The following DLG2 variants were observed in gnomAD, a reference collection of about 807,000 sequenced individuals.
DLG2 encodes disks large homolog 2.
In DLG2, 45 loss-of-function variants were observed where a neutral mutation model predicts 132.5. The observed-to-expected ratio is 0.34, with a 90% CI of 0.27 to 0.44. DLG2 has a LOEUF of 0.44. Among genes scored for constraint, DLG2 ranks in the 20% least tolerant of loss-of-function variants. The pLI, the probability that DLG2 is intolerant of heterozygous loss-of-function variation, is 1.00. For synonymous variants in DLG2, 424 were observed against 419.6 expected (o/e 1.01, Z -0.13); for missense variants, 1,045 against 1,196.9 (o/e 0.87, Z 1.87).
intron 18 of DLG2, among the ~76,000 whole-genome samples, chr11:83,750,340 T>G (rs2093221173): frequency 6.6e-6 from 1 of 152,172 alleles, no homozygotes; most frequent in Non-Finnish European, 1.5e-5. Flanking sequence ...AATGTTTTCT[T>G]AACATTCTGA....
intron 25 of DLG2, among the ~76,000 whole-genome samples, chr11:83,468,849 A>G (rs1294423297): frequency 5.3e-5 from 8 of 152,080 alleles, no homozygotes; most frequent in Non-Finnish European, 1.0e-4. Flanking sequence ...GAGAGAGAGA[A>G]AAAAAATAAC....
At chr11:84,902,028 T>C (rs879688912) in intron 6 of DLG2, among the ~76,000 whole-genome samples, 1 of 152,132 alleles carries the variant, frequency 6.6e-6, no homozygotes, top group Non-Finnish European at 1.5e-5. Context: ...CTAATAAAAA[T>C]ATCTCCAGTA....
chr11:83,829,481 G>A (rs2053854173), intron 17 of DLG2, among the ~76,000 whole-genome samples: 1 of 152,220 alleles, frequency 6.6e-6, no homozygotes, highest in African/African-American at 2.4e-5. Context: ...ATAGGCATGA[G>A]CCACTGTGCC....
intron 6 of DLG2, among the ~76,000 whole-genome samples, chr11:84,554,724 C>A (rs543509883): frequency 6.6e-6 from 1 of 152,024 alleles, no homozygotes; most frequent in South Asian, 2.1e-4. Context: ...CCAGCCTGGG[C>A]AACGAGAGTG....
At chr11:85,022,026 C>T (rs2060118407) in intron 6 of DLG2, among the ~76,000 whole-genome samples, 1 of 152,016 alleles carries the variant, frequency 6.6e-6, no homozygotes, top group South Asian at 2.1e-4. Context: ...AAACTAAATA[C>T]ATCCTAGCCT....
chr11:84,989,705 T>C (rs569532701), intron 6 of DLG2, among the ~76,000 whole-genome samples: 7 of 152,324 alleles, frequency 4.6e-5, no homozygotes, highest in Non-Finnish European at 8.8e-5. Flanking sequence ...CATTCTACCC[T>C]GAGTTCATTC....
At chr11:85,038,660 A>T (rs574133044) in intron 6 of DLG2, among the ~76,000 whole-genome samples, 5 of 152,232 alleles carry the variant, frequency 3.3e-5, no homozygotes, top group African/African-American at 1.2e-4. Flanking sequence ...AACTTAAAAT[A>T]GTTTTCTAAT....
chr11:83,495,726 A>C (rs1316876566), intron 21 of DLG2, among the ~76,000 whole-genome samples: 1 of 152,128 alleles, frequency 6.6e-6, no homozygotes, highest in Non-Finnish European at 1.5e-5. Context: ...CCTCTCACTC[A>C]TGCCCACCTG....
At chr11:83,806,418 A>G (rs965047552) in intron 17 of DLG2, among the ~76,000 whole-genome samples, 2 of 152,182 alleles carry the variant, frequency 1.3e-5, no homozygotes, top group Non-Finnish European at 1.5e-5. Flanking sequence ...ATCCCCAGCT[A>G]CATTCCCAAT....
In DLG2 at chr11:85,132,955, C is replaced by T. The variant is rs375294042; in HGVS notation, c.283-21220G>A. On this transcript the variant is annotated intron_variant, in intron 5 of 27. Coordinates refer to ENST00000376104, the MANE Select transcript of DLG2 (RefSeq NM_001142699.3). ...GCCCCTCATGGGAAACTCGAGCCCT[C>T]CTCCATACAGCTCAAGGCAAGCAGG... is the stretch of plus-strand genomic sequence containing the variant. 2.0e-4 allele frequency: 81 copies of T among 399,240 alleles called. 1 individual carries two copies. The highest frequency in any genetic ancestry group is 1.2e-3 in the African/African-American group (60 of 48,230). The allele number at this position is 399,240 out of a possible 1,614,324, so 24.7% of individuals were successfully genotyped here.
At chr11:84,479,377 G>T (rs922031957) in intron 7 of DLG2, among the ~76,000 whole-genome samples, 4 of 152,052 alleles carry the variant, frequency 2.6e-5, no homozygotes, top group African/African-American at 9.7e-5. Context: ...CCTTTTCTGA[G>T]TTGGATTTCT....
chr11:84,806,256 A>G (rs1197022483), intron 6 of DLG2, among the ~76,000 whole-genome samples: 1 of 152,164 alleles, frequency 6.6e-6, no homozygotes, highest in Non-Finnish European at 1.5e-5. Flanking sequence ...GAATGAAAAA[A>G]GCACTCAAAG....
intron 19 of DLG2, among the ~76,000 whole-genome samples, chr11:83,574,555 A>G (rs2096845549): frequency 6.6e-6 from 1 of 152,064 alleles, no homozygotes; most frequent in Admixed American, 6.6e-5. Context: ...CTGTTTTCTG[A>G]CGGCCTCTAT....
intron 14 of DLG2, among the ~76,000 whole-genome samples, chr11:83,931,466 T>C (rs946895377): frequency 3.9e-5 from 6 of 152,192 alleles, no homozygotes; most frequent in African/African-American, 1.4e-4. Flanking sequence ...ACTAAGAAAA[T>C]GATGTTTCCA....
chr11:84,001,222 G>A (rs1369809180), intron 11 of DLG2, among the ~76,000 whole-genome samples: 1 of 149,862 alleles, frequency 6.7e-6, no homozygotes, highest in Non-Finnish European at 1.5e-5. Flanking sequence ...AAAAACACAT[G>A]AAGACACAAA....
chr11:83,957,123 C>A (rs1194530727), intron 14 of DLG2, among the ~76,000 whole-genome samples: 1 of 152,228 alleles, frequency 6.6e-6, no homozygotes, highest in East Asian at 1.9e-4. Flanking sequence ...TATGCTTGGG[C>A]AGAAATCTTC....
intron 8 of DLG2, among the ~76,000 whole-genome samples, chr11:84,202,737 T>C (rs2096613068): frequency 1.3e-5 from 2 of 152,076 alleles, no homozygotes; most frequent in Admixed American, 6.6e-5. Context: ...AAGTGTAACA[T>C]CCAGCATCTA....
chr11:84,686,630 GTTTTT>G lies in DLG2; in HGVS notation c.358-151904_358-151900del, dbSNP rs60618412. On this transcript the variant is annotated intron_variant, in intron 6 of 27. Coordinates refer to ENST00000376104, the MANE Select transcript of DLG2 (RefSeq NM_001142699.3). ...CCAAATTCTTTCAACTGGCCTTGAG[GTTTTT>G]TTTTTTTTTTTTTTTTTATGCTATA... Among the ~76,000 whole-genome samples, 4 of 113,804 alleles carry G rather than the reference GTTTTT, an allele frequency of 3.5e-5. No homozygotes were observed. The South Asian group carries it at 1.3e-3, about 36-fold the overall frequency. The allele number at this position is 113,804 out of a possible 152,430, so 74.7% of individuals were successfully genotyped here. A position where few individuals can be genotyped will look rare whatever the true frequency, so the allele number is the denominator to read the frequency against.
intron 6 of DLG2, among the ~76,000 whole-genome samples, chr11:85,003,819 C>A (rs1231715642): frequency 6.6e-6 from 1 of 151,968 alleles, no homozygotes; most frequent in Non-Finnish European, 1.5e-5. Context: ...TTTGCTGCAC[C>A]CATCAACCTG....
Sources: allele counts gnomAD v4.1 joint callset (sites outside exome capture counted in the v4.1 genomes callset), GRCh38; gene constraint gnomAD v4.1.1; transcripts MANE v1.5; gene names NCBI Gene and HGNC (gene_info 2026-07-23, HGNC 2026-07-21).